NRXN3: variants seen among roughly 807,000 people sequenced by gnomAD.
NRXN3 encodes neurexin 3, also known as neurexin III.
In NRXN3, 32 loss-of-function variants were observed where a neutral mutation model predicts 137.6. That is an observed-to-expected ratio of 0.23 (90% confidence interval 0.18 to 0.31). The LOEUF (loss-of-function observed/expected upper bound fraction) is 0.31, where lower values mean the gene tolerates loss of function less well. Ranked by LOEUF, NRXN3 falls within the 10% of genes least tolerant of loss-of-function variation. The pLI is 1.00. For synonymous variants in NRXN3, 798 were observed against 784.5 expected (o/e 1.02, Z -0.29); for missense variants, 1,574 against 2,062.5 (o/e 0.76, Z 4.59).
intron 4 of NRXN3, among the ~76,000 whole-genome samples, chr14:78,493,821 C>A (rs372419629): frequency 6.6e-6 from 1 of 152,176 alleles, no homozygotes; most frequent in Non-Finnish European, 1.5e-5. Context: ...AAAATCAACA[C>A]CTACACCAAA....
intron 19 of NRXN3, among the ~76,000 whole-genome samples, chr14:79,703,441 T>C (rs936137890): frequency 6.6e-6 from 1 of 152,078 alleles, no homozygotes; most frequent in Non-Finnish European, 1.5e-5. Flanking sequence ...GTTTCTGAGT[T>C]GGACTCCAGG....
At chr14:79,170,140 A>G (rs2061642889) in intron 15 of NRXN3, among the ~76,000 whole-genome samples, 1 of 152,120 alleles carries the variant, frequency 6.6e-6, no homozygotes, top group South Asian at 2.1e-4. Context: ...TAATTGATGA[A>G]CACATATCTA....
intron 16 of NRXN3, among the ~76,000 whole-genome samples, chr14:79,565,215 A>C (rs2097535319): frequency 6.7e-6 from 1 of 148,406 alleles, no homozygotes; most frequent in South Asian, 2.1e-4. Flanking sequence ...TTGTGTATAT[A>C]TATGTGTGTG....
chr14:78,812,104 T>C (rs2098915731), intron 10 of NRXN3, among the ~76,000 whole-genome samples: 1 of 152,202 alleles, frequency 6.6e-6, no homozygotes, highest in African/African-American at 2.4e-5. Flanking sequence ...ACTTATAAAG[T>C]TGTCCAAATA....
At chr14:78,596,890 A>G (rs2097161737) in intron 4 of NRXN3, among the ~76,000 whole-genome samples, 1 of 152,208 alleles carries the variant, frequency 6.6e-6, no homozygotes, top group Non-Finnish European at 1.5e-5. Context: ...TAATTAATTA[A>G]TGAAAATGAA....
chr14:78,788,722 A>G (rs1192564723), intron 8 of NRXN3, among the ~76,000 whole-genome samples: 1 of 152,106 alleles, frequency 6.6e-6, no homozygotes, highest in African/African-American at 2.4e-5. Context: ...TCTTACCTAT[A>G]CCTTTTAAAT....
At chr14:78,178,633 A>G (rs1364552343) in intron 1 of NRXN3, among the ~76,000 whole-genome samples, 2 of 152,090 alleles carry the variant, frequency 1.3e-5, no homozygotes, top group African/African-American at 4.8e-5. Flanking sequence ...TCAGCGTGAG[A>G]TTTCAGTGAA....
intron 16 of NRXN3, among the ~76,000 whole-genome samples, chr14:79,619,464 G>A (rs1435643716): frequency 4.6e-5 from 7 of 151,968 alleles, no homozygotes; most frequent in African/African-American, 1.4e-4. Flanking sequence ...GAATAGTAGC[G>A]AGTCCTTTCC....
intron 10 of NRXN3, among the ~76,000 whole-genome samples, chr14:78,851,045 G>C (rs919772): frequency 0.98 from 149,489 of 152,284 alleles, 73,382 homozygotes; most frequent in East Asian, 1. Context: ...GATATCTTTT[G>C]TAAAACCTTT....
chr14:79,379,301 A>T (rs1001050649), intron 15 of NRXN3, among the ~76,000 whole-genome samples: 2 of 152,140 alleles, frequency 1.3e-5, no homozygotes, highest in African/African-American at 2.4e-5. Flanking sequence ...TTTTCTGTTT[A>T]GTGAAGACAA....
intron 15 of NRXN3, among the ~76,000 whole-genome samples, chr14:79,290,701 G>GA (rs2083044258): frequency 6.7e-6 from 1 of 150,302 alleles, no homozygotes; most frequent in Non-Finnish European, 1.5e-5. Flanking sequence ...CACGCTGGTT[G>GA]AAAATTTTAA....
intron 15 of NRXN3, among the ~76,000 whole-genome samples, chr14:79,414,629 T>C (rs371298537): frequency 4.3e-4 from 66 of 152,274 alleles, no homozygotes; most frequent in African/African-American, 1.5e-3. Flanking sequence ...GTTTGATGTA[T>C]ATATACATTG....
intron 10 of NRXN3, among the ~76,000 whole-genome samples, chr14:78,852,831 A>T (rs985666233): frequency 2.0e-5 from 3 of 151,922 alleles, no homozygotes; most frequent in Non-Finnish European, 2.9e-5. Flanking sequence ...ATTAAGTGGA[A>T]TCATGTATAT....
At chr14:79,599,835 A>G (rs2097903511) in intron 16 of NRXN3, among the ~76,000 whole-genome samples, 1 of 152,146 alleles carries the variant, frequency 6.6e-6, no homozygotes, top group African/African-American at 2.4e-5. Flanking sequence ...TCTCTACCAA[A>G]AATACAAAAA....
At chr14:78,645,816 T>G (rs1452893300) in intron 5 of NRXN3, among the ~76,000 whole-genome samples, 1 of 152,196 alleles carries the variant, frequency 6.6e-6, no homozygotes, top group Non-Finnish European at 1.5e-5. Context: ...CCTCATTCTT[T>G]GAATATATGT....
intron 4 of NRXN3, among the ~76,000 whole-genome samples, chr14:78,637,199 G>A (rs1414842647): frequency 2.0e-5 from 3 of 152,122 alleles, no homozygotes; most frequent in Non-Finnish European, 4.4e-5. Context: ...TGTGTCCATT[G>A]CTCTAGCCAC....
chr14:78,280,288 A>G (rs1252012410), intron 3 of NRXN3, among the ~76,000 whole-genome samples: 1 of 152,220 alleles, frequency 6.6e-6, no homozygotes, highest in Non-Finnish European at 1.5e-5. Context: ...GCATACATAT[A>G]TACACACGTA....
intron 10 of NRXN3, among the ~76,000 whole-genome samples, chr14:78,919,567 G>C (rs914568564): frequency 6.6e-6 from 1 of 152,090 alleles, no homozygotes; most frequent in African/African-American, 2.4e-5. Context: ...CAGCAACCCT[G>C]TTCTTCTGTT....
At chr14:79,492,019 G>A (rs74070212) in intron 16 of NRXN3, among the ~76,000 whole-genome samples, 3,872 of 152,114 alleles carry the variant, frequency 0.025, 186 homozygotes, top group African/African-American at 0.089. Context: ...CTGCTTTCTC[G>A]TAGATGAATG....
Sources: allele counts gnomAD v4.1 joint callset (sites outside exome capture counted in the v4.1 genomes callset), GRCh38; gene constraint gnomAD v4.1.1; transcripts MANE v1.5; gene names NCBI Gene and HGNC (gene_info 2026-07-23, HGNC 2026-07-21).